The following MDGA2 variants were observed in gnomAD, a reference collection of about 807,000 sequenced individuals.
The protein encoded by MDGA2 is MAM domain-containing glycosylphosphatidylinositol anchor protein 2.
MDGA2 carries 40 observed loss-of-function variants against 117.8 expected under a neutral mutation model. That is an observed-to-expected ratio of 0.34 (90% CI 0.26 to 0.44). The LOEUF (loss-of-function observed/expected upper bound fraction) is 0.44. MDGA2 is among the 20% of genes least tolerant of loss of function. The probability of loss-of-function intolerance (pLI) is 1.00; values close to 1 mark genes in which losing one functional copy is unlikely to be tolerated. For synonymous variants in MDGA2, 452 were observed against 439.0 expected, an observed-to-expected ratio of 1.03 and a Z score of -0.37; for missense variants, 1,123 against 1,250.6, an observed-to-expected ratio of 0.90 and a Z score of 1.54.
intron 2 of MDGA2, among the ~76,000 whole-genome samples, chr14:47,279,888 G>C (rs1888420725): frequency 6.6e-6 from 1 of 152,018 alleles, no homozygotes; most frequent in Non-Finnish European, 1.5e-5. Context: ...ACTAGAGATG[G>C]GATCTCACTT....
chr14:47,371,712 A>G (rs943167118), intron 1 of MDGA2, among the ~76,000 whole-genome samples: 1 of 151,752 alleles, frequency 6.6e-6, no homozygotes, highest in Non-Finnish European at 1.5e-5. Flanking sequence ...ATTATTACTG[A>G]AAGGGAACCA....
intron 3 of MDGA2, among the ~76,000 whole-genome samples, chr14:47,155,207 T>G (rs2139246213): frequency 6.6e-6 from 1 of 152,270 alleles, no homozygotes; most frequent in Admixed American, 6.5e-5. Flanking sequence ...AAAGCTCCTC[T>G]TCGCCTTGCT....
chr14:47,584,040 C>T (rs572098314), intron 1 of MDGA2, among the ~76,000 whole-genome samples: 10 of 151,716 alleles, frequency 6.6e-5, no homozygotes, highest in Non-Finnish European at 1.5e-4. Flanking sequence ...AAGCACCTAG[C>T]CAGTTATCCC....
chr14:47,396,454 A>G (rs1892011110), intron 1 of MDGA2, among the ~76,000 whole-genome samples: 1 of 152,186 alleles, frequency 6.6e-6, no homozygotes, highest in Non-Finnish European at 1.5e-5. Context: ...TGAAACACCA[A>G]AAGCAAGGGC....
At chr14:47,081,580 A>C (rs947259122) in intron 6 of MDGA2, among the ~76,000 whole-genome samples, 1 of 152,134 alleles carries the variant, frequency 6.6e-6, no homozygotes, top group Non-Finnish European at 1.5e-5. Context: ...ATTCATCTAG[A>C]AAATACTATT....
chr14:47,304,762 GCTTACCATCCAA>G (rs1184485275), intron 1 of MDGA2, among the ~76,000 whole-genome samples: 1 of 152,078 alleles, frequency 6.6e-6, no homozygotes, highest in Non-Finnish European at 1.5e-5. Flanking sequence ...GGGTCCTCAT[GCTTACCATCCAA>G]CTAAAAGTCC....
chr14:47,427,973 A>C (rs1422426052), intron 1 of MDGA2, among the ~76,000 whole-genome samples: 1 of 152,188 alleles, frequency 6.6e-6, no homozygotes, highest in Non-Finnish European at 1.5e-5. Context: ...AATTCCTAAG[A>C]AAGATAAATT....
intron 3 of MDGA2, among the ~76,000 whole-genome samples, chr14:47,175,288 A>G (rs1002775855): frequency 6.6e-6 from 1 of 151,904 alleles, no homozygotes; most frequent in African/African-American, 2.4e-5. Context: ...AATCCTCCCT[A>G]ACTCATTTTA....
chr14:47,072,322 G>A (rs116419732), intron 6 of MDGA2, among the ~76,000 whole-genome samples: 1,697 of 152,190 alleles, frequency 0.011, 38 homozygotes, highest in African/African-American at 0.039. Flanking sequence ...AATTTTTTAA[G>A]TGCAAAATCT....
intron 9 of MDGA2, among the ~76,000 whole-genome samples, chr14:46,947,380 A>T (rs78971881): frequency 0.035 from 5,335 of 152,142 alleles, 317 homozygotes; most frequent in African/African-American, 0.12. Context: ...TTTAAAATTC[A>T]TTTAAATTTA....
chr14:47,315,981 C>A (rs1243112606), intron 1 of MDGA2, among the ~76,000 whole-genome samples: 13 of 151,714 alleles, frequency 8.6e-5, no homozygotes, highest in Non-Finnish European at 1.8e-4. Flanking sequence ...GTTATAAAGT[C>A]TCCAATGATA....
At chr14:47,021,684 GCATT>G (rs1888291530) in intron 8 of MDGA2, among the ~76,000 whole-genome samples, 1 of 152,094 alleles carries the variant, frequency 6.6e-6, no homozygotes, top group Admixed American at 6.5e-5. Context: ...TGTTACATAT[GCATT>G]ATTATATAAA....
chr14:47,597,817 A>G (rs1324615321), intron 1 of MDGA2, among the ~76,000 whole-genome samples: 10 of 148,396 alleles, frequency 6.7e-5, no homozygotes, highest in Non-Finnish European at 1.5e-4. Context: ...TTCCTTAAAC[A>G]CACACAGAGA....
chr14:47,063,332 C>T (rs890289100), intron 6 of MDGA2, among the ~76,000 whole-genome samples: 2 of 151,884 alleles, frequency 1.3e-5, no homozygotes, highest in African/African-American at 2.4e-5. Context: ...ATCTTATTTA[C>T]CCCTAACCAT....
chr14:46,842,922 A>G (rs981396514), intron 16 of MDGA2, among the ~76,000 whole-genome samples: 3 of 152,226 alleles, frequency 2.0e-5, no homozygotes, highest in Non-Finnish European at 4.4e-5. Context: ...AATAATCATC[A>G]ATCAATCAAA....
intron 1 of MDGA2, among the ~76,000 whole-genome samples, chr14:47,408,599 A>T (rs538375579): frequency 6.6e-6 from 1 of 152,192 alleles, no homozygotes; most frequent in South Asian, 2.1e-4. Context: ...GGACAATGAA[A>T]CCTCCACAAA....
intron 8 of MDGA2, among the ~76,000 whole-genome samples, chr14:46,991,602 T>A (rs78907442): frequency 0.011 from 1,648 of 152,228 alleles, 28 homozygotes; most frequent in African/African-American, 0.038. Flanking sequence ...AAGTTAATGA[T>A]GTCTGTGAGA....
chr14:47,173,696 T>C, intron 3 of MDGA2, among the ~76,000 whole-genome samples: 1 of 151,084 alleles, frequency 6.6e-6, no homozygotes. Flanking sequence ...TGCAAAATCA[T>C]GCCAAAATGT....
intron 4 of MDGA2, among the ~76,000 whole-genome samples, chr14:47,133,495 T>C (rs1362158065): frequency 6.6e-6 from 1 of 152,010 alleles, no homozygotes; most frequent in African/African-American, 2.4e-5. Flanking sequence ...ACTTGTTCCA[T>C]AGTTAACCTC....
Sources: allele counts gnomAD v4.1 joint callset (sites outside exome capture counted in the v4.1 genomes callset), GRCh38; gene constraint gnomAD v4.1.1; transcripts MANE v1.5; gene names NCBI Gene and HGNC (gene_info 2026-07-23, HGNC 2026-07-21).